RBFOX2: variants seen among roughly 807,000 people sequenced by gnomAD.
The protein encoded by RBFOX2 is RNA binding fox-1 homolog 2, also known as RNA binding protein fox-1 homolog 2.
Under a neutral mutation model 49.1 loss-of-function variants are expected in RBFOX2, and 10 were observed. That is an observed-to-expected ratio of 0.20 (90% CI 0.13 to 0.35). RBFOX2 has a LOEUF of 0.35. Ranked by LOEUF, RBFOX2 falls within the 10% of genes least tolerant of loss-of-function variation. The pLI is 1.00. For synonymous variants in RBFOX2, 183 were observed against 187.4 expected (o/e 0.98, Z 0.19); for missense variants, 323 against 486.9 (o/e 0.66, Z 3.17).
chr22:35,813,767 G>T (rs141606407), intron 1 of RBFOX2, among the ~76,000 whole-genome samples: 1 of 152,218 alleles, frequency 6.6e-6, no homozygotes, highest in Non-Finnish European at 1.5e-5. Context: ...TTATGAAATA[G>T]AGGAAGACTG....
rs1984976649 is a variant in RBFOX2, at chr22:35,772,576, C to CA, written c.454-4228dup. On this transcript the variant is annotated intron_variant, in intron 4 of 11. Coordinates refer to ENST00000405409, the Ensembl canonical transcript of RBFOX2. ...CTGTGCTGGGCAATGCAGGTCTCTA[C>CA]ACTTTATACTCCTCTAAGTTTGCAG... 3.9e-5 allele frequency among the ~76,000 whole-genome samples: 6 copies of CA among 152,274 alleles called. No homozygotes were observed. In the South Asian group the frequency reaches 1.2e-3, roughly 32 times the overall value.
At chr22:35,840,503 G>A in exon 1 of RBFOX2, 2 of 1,293,070 alleles carry the variant, frequency 1.5e-6, no homozygotes, top group Non-Finnish European at 2.0e-6. Flanking sequence ...ATTAATCAGA[G>A]TAGAGCCCCA....
chr22:35,972,151 T>C (rs1371149593), intron 1 of RBFOX2, among the ~76,000 whole-genome samples: 1 of 152,070 alleles, frequency 6.6e-6, no homozygotes, highest in Non-Finnish European at 1.5e-5. Context: ...AACAGTATAG[T>C]CTTCATGCAA....
chr22:35,905,331 G>A (rs2049009967), intron 1 of RBFOX2, among the ~76,000 whole-genome samples: 1 of 152,086 alleles, frequency 6.6e-6, no homozygotes, highest in African/African-American at 2.4e-5. Context: ...TGTCAAAATG[G>A]TGCCACTTAG....
upstream of RBFOX2, among the ~76,000 whole-genome samples, chr22:35,965,693 G>A (rs1258439433): frequency 6.6e-6 from 1 of 152,098 alleles, no homozygotes; most frequent in Non-Finnish European, 1.5e-5. Flanking sequence ...TATCTGACAA[G>A]CAAATTTACA....
intron 1 of RBFOX2, among the ~76,000 whole-genome samples, chr22:35,936,480 A>AT (rs1180450467): frequency 6.6e-6 from 1 of 152,198 alleles, no homozygotes; most frequent in African/African-American, 2.4e-5. Context: ...AGCAGTACTC[A>AT]TTTGGATTCT....
In RBFOX2 at chr22:35,862,379, G is replaced by C. The variant is rs116954667; in HGVS notation, c.-33-52375C>G. Among the ~76,000 whole-genome samples, 1,267 of 146,794 alleles carry C rather than the reference G, an allele frequency of 8.6e-3. 4 individuals are homozygous for C. The highest frequency in any genetic ancestry group is 0.011 in the Non-Finnish European group (762 of 66,456). On this transcript the variant is annotated intron_variant, in intron 1 of 13. Coordinates refer to the RBFOX2 transcript ENST00000359369. ...GAAGGGTTAGTTATTTTCTTTGGAG[G>C]GGGGGGGGAATGATAAAAGGAGATG...
chr22:35,930,666 C>T (rs2052289652), intron 1 of RBFOX2, among the ~76,000 whole-genome samples: 1 of 151,628 alleles, frequency 6.6e-6, no homozygotes, highest in Non-Finnish European at 1.5e-5. Flanking sequence ...CCCATCTCTA[C>T]TAAAAATATA....
intron 1 of RBFOX2, among the ~76,000 whole-genome samples, chr22:35,986,724 T>A (rs1334976048): frequency 6.6e-6 from 1 of 152,178 alleles, no homozygotes; most frequent in African/African-American, 2.4e-5. Context: ...ATAGACGTAT[T>A]CCCAATCCTT....
upstream of RBFOX2, among the ~76,000 whole-genome samples, chr22:35,962,250 G>A (rs545717016): frequency 2.6e-5 from 4 of 152,258 alleles, no homozygotes; most frequent in South Asian, 8.3e-4. Flanking sequence ...ATGGGGAGGA[G>A]AATTAGGTAA....
chr22:35,788,342 A>G (rs1169348954), intron 2 of RBFOX2, among the ~76,000 whole-genome samples: 1 of 152,200 alleles, frequency 6.6e-6, no homozygotes, highest in Non-Finnish European at 1.5e-5. Flanking sequence ...GAATTCAGAA[A>G]TATTTTGATT....
At chr22:35,879,164 C>T (rs944284661) in intron 1 of RBFOX2, among the ~76,000 whole-genome samples, 2 of 152,172 alleles carry the variant, frequency 1.3e-5, no homozygotes, top group African/African-American at 4.8e-5. Flanking sequence ...ATGAGTATAT[C>T]TGGAGAGAAG....
At chr22:35,884,741 C>G (rs530909817) in intron 1 of RBFOX2, among the ~76,000 whole-genome samples, 1 of 152,148 alleles carries the variant, frequency 6.6e-6, no homozygotes, top group African/African-American at 2.4e-5. Flanking sequence ...AGATAATACA[C>G]AAGGGTATGA....
At chr22:35,767,291 G>A (rs1602386805) in intron 5 of RBFOX2, among the ~76,000 whole-genome samples, 2 of 152,226 alleles carry the variant, frequency 1.3e-5, no homozygotes, top group Non-Finnish European at 1.5e-5. Context: ...GATGGCAGAT[G>A]GACTTTTTCT....
chr22:35,745,193 C>T (rs759105050), intron 11 of RBFOX2, among the ~76,000 whole-genome samples: 14 of 152,116 alleles, frequency 9.2e-5, no homozygotes, highest in Non-Finnish European at 1.5e-4. Flanking sequence ...GAGGTAGTTG[C>T]CCAGTTGCAT....
At chr22:35,780,991 T>A (rs373568211) in intron 3 of RBFOX2, among the ~76,000 whole-genome samples, 1 of 152,132 alleles carries the variant, frequency 6.6e-6, no homozygotes. Context: ...GAAGGCAGTA[T>A]TGAGCTGGAC....
chr22:36,028,369 G>T, exon 1 of RBFOX2: 2 of 1,381,538 alleles, frequency 1.4e-6, no homozygotes, highest in Non-Finnish European at 1.9e-6. Flanking sequence ...TCATGCCCCG[G>T]GCGGCGGCGC....
At chr22:36,012,916 C>A (rs989746318) in intron 1 of RBFOX2, among the ~76,000 whole-genome samples, 1 of 152,030 alleles carries the variant, frequency 6.6e-6, no homozygotes, top group Non-Finnish European at 1.5e-5. Context: ...AGGTGTCTGC[C>A]ACTACGCCCA....
upstream of RBFOX2, chr22:35,840,602 C>T (rs576164005): frequency 1.0e-4 from 119 of 1,139,814 alleles, no homozygotes; most frequent in Non-Finnish European, 1.2e-4. Flanking sequence ...GTTTGGTGTA[C>T]GCTGTGCGCA....
Sources: allele counts gnomAD v4.1 joint callset (sites outside exome capture counted in the v4.1 genomes callset), GRCh38; gene constraint gnomAD v4.1.1; transcripts MANE v1.5; gene names NCBI Gene and HGNC (gene_info 2026-07-23, HGNC 2026-07-21).